The following MYH7 variants were observed in gnomAD, a reference collection of about 807,000 sequenced individuals.
MYH7 encodes the protein myosin-7.
In MYH7, 129 loss-of-function variants were observed where a neutral mutation model predicts 225.4. The observed-to-expected ratio is 0.57, with a 90% CI of 0.50 to 0.66. MYH7 has a LOEUF of 0.66. Among genes scored for constraint, MYH7 ranks in the 30% least tolerant of loss-of-function variants. The pLI is 0.00. For synonymous variants in MYH7, 971 were observed against 1,007.6 expected, an observed-to-expected ratio of 0.96 and a Z score of 0.69; for missense variants, 1,649 against 2,517.0, an observed-to-expected ratio of 0.66 and a Z score of 7.38.
rs549973937 is a variant in MYH7, at chr14:23,415,919, T to C, written c.4953+85A>G. ...CCTGTCAGAGGTCCCTGCAGTAACCTAGGGGCAGGAGGAATCTGGTGCCTG... is the reference window on the plus strand; with the variant it reads ...CCTGTCAGAGGTCCCTGCAGTAACCCAGGGGCAGGAGGAATCTGGTGCCTG... On this transcript the variant is annotated intron_variant, in intron 34 of 39. Coordinates refer to ENST00000355349, the MANE Select transcript of MYH7 (RefSeq NM_000257.4). The surrounding 1 kb of genome is among the most constrained non-coding windows in gnomAD (Gnocchi z 6.3). 575 of 1,613,262 alleles carry C rather than the reference T, an allele frequency of 3.6e-4. 1 individual carries two copies. Among genetic ancestry groups the C allele is most frequent in the Admixed American group, 2.3e-3 (140 of 59,906 alleles).
In MYH7 at chr14:23,425,869, G is replaced by A. The variant is rs948221978; in HGVS notation, c.2163-51C>T. The A allele has an allele frequency of 6.2e-7, 1 of 1,613,208 alleles. No homozygotes were observed. The highest frequency in any genetic ancestry group is 1.7e-5 in the Admixed American group (1 of 60,000). ...CCCATGCTCTGCAGTGATCTGCTCT[G>A]CCCATAGAATTCCAGGGTCACCTGC... On this transcript the variant is annotated intron_variant, in intron 19 of 39. Transcript: ENST00000355349. The surrounding 1 kb of genome is among the most constrained non-coding windows in gnomAD (Gnocchi z 4.6).
At position 23,435,370 on chromosome 14, in the gene MYH7, AC is replaced by A. The variant is rs879277677; in HGVS notation, c.-65+249del. Among the ~76,000 whole-genome samples, 890 of 140,718 alleles carry A rather than the reference AC, an allele frequency of 6.3e-3. 7 individuals carry two copies. Among genetic ancestry groups the A allele is most frequent in the Non-Finnish European group, 1.0e-2 (671 of 67,240 alleles). 92.3% of individuals were successfully genotyped at this position (140,718 alleles called of 152,430 possible). A position where few individuals can be genotyped will look rare whatever the true frequency, so the allele number is the denominator to read the frequency against. On this transcript the variant is annotated intron_variant, in intron 1 of 39. Transcript: ENST00000355349. ...TCAGACTATGCAGGCTTGTCCACAC[AC>A]ACACACACACACACACACACACACA...
At position 23,428,489 on chromosome 14, in the gene MYH7, C is replaced by A; in HGVS notation, c.1578+11G>T. The A allele has an allele frequency of 6.2e-7, 1 of 1,614,126 alleles. No individual in the cohort carries two copies. Among genetic ancestry groups the A allele is most frequent in the Non-Finnish European group, 8.5e-7 (1 of 1,180,034 alleles). ...GCAGGGAGAATTCAGGTGGTAAGGC[C>A]AAAGAGGCACCTTCTCGATGAGGTC... On this transcript the variant is annotated intron_variant, in intron 15 of 39. Coordinates refer to ENST00000355349, the MANE Select transcript of MYH7 (RefSeq NM_000257.4).
chr14:23,419,154 G>T (rs779961917), intron 29 of MYH7, 23 bp downstream of exon 29: 1 of 1,607,034 alleles, frequency 6.2e-7, no homozygotes, highest in Non-Finnish European at 8.5e-7. Context: ...GCTTGGGCCA[G>T]GTGGCCCGAG....
In MYH7 at chr14:23,425,330, G is replaced by C; in HGVS notation, c.2375C>G (p.Ser792Cys). The change falls in exon 21 of 40, where the codon TCC (serine) becomes TGC (cysteine). Residue 792 changes from serine (S) to cysteine (C), a missense_variant. Physicochemically the swap from Ser to Cys is moderately radical, Grantham distance 112. Coordinates refer to ENST00000355349, the MANE Select transcript of MYH7 (RefSeq NM_000257.4). The surrounding 1 kb of genome is among the most constrained non-coding windows in gnomAD (Gnocchi z 4.6). ...CTCCATTCTGGCGAGCACACCTCGG[G>C]ACTGGGCCTGGATACGCGTGATGAT... ...SRIITRIQAQ[S>C]RGVLARMEYK... 6.2e-7 allele frequency: 1 copy of C among 1,614,148 alleles called. No homozygotes were observed. Among genetic ancestry groups the C allele is most frequent in the Non-Finnish European group, 8.5e-7 (1 of 1,180,038 alleles).
chr14:23,429,325 G>A lies in MYH7; in HGVS notation c.1161C>T (p.Leu387=). ...GCAGGTCGGCTGAGTTCAGCCCCAT[G>A]AGGTAGGCAGACTTGTCAGCCTCTG... ...GTEEADKSAY[L]MGLNSADLLK... The change falls in exon 13 of 40, where the codon CTC becomes CTT. Residue 387 remains leucine, a synonymous_variant. Transcript: ENST00000355349. 1.9e-6 allele frequency: 3 copies of A among 1,614,228 alleles called. No homozygotes were observed. Among genetic ancestry groups the A allele is most frequent in the Non-Finnish European group, 2.5e-6 (3 of 1,180,034 alleles).
chr14:23,421,707 T>C (rs1892479091), intron 25 of MYH7: 1 of 979,344 alleles, frequency 1.0e-6, no homozygotes, highest in South Asian at 4.7e-5. Flanking sequence ...TTGGAAGAAC[T>C]TACACTAAGA....
rs1440440623 is a variant in MYH7 at position 23,430,560 on chromosome 14, A to G, written c.999T>C (p.Asp333=). The G allele has an allele frequency of 6.2e-7, 1 of 1,612,176 alleles. No homozygotes were observed. Among genetic ancestry groups the G allele is most frequent in the South Asian group, 1.1e-5 (1 of 90,906 alleles). ...IDDAEELMAT[D]NAFDVLGFTS... is the part of the protein sequence containing the mutation. ...CCTGGCTGGGTCCTCACACACTCAC[A>G]TCAGTGGCCATGAGCTCCTCAGCGT... Residue 333 remains aspartate, a splice_region_variant and synonymous_variant, in exon 11 of 40, where the codon GAT becomes GAC. Coordinates refer to ENST00000355349, the MANE Select transcript of MYH7 (RefSeq NM_000257.4).
intron 9 of MYH7, 106 bp downstream of exon 9, chr14:23,431,312 A>G (rs537740281): frequency 1.7e-6 from 2 of 1,150,498 alleles, no homozygotes; most frequent in Admixed American, 3.4e-5. Flanking sequence ...AGAGACTTAA[A>G]GAGGAGAAAA....
intron 24 of MYH7, among the ~76,000 whole-genome samples, chr14:23,422,652 T>TTA (rs1892528257): frequency 7.6e-6 from 1 of 130,900 alleles, no homozygotes; most frequent in Non-Finnish European, 1.7e-5. Context: ...TTTTTTTTTT[T>TTA]ATGGAGTCTC....
At position 23,433,573 on chromosome 14, in the gene MYH7, G is replaced by A. The variant is rs761841748; in HGVS notation, c.160C>T (p.Arg54Ter). The A allele has an allele frequency of 2.5e-6, 4 of 1,614,074 alleles. No homozygotes were observed. The highest frequency in any genetic ancestry group is 2.7e-5 in the African/African-American group (2 of 74,922). Reference protein sequence around the residue: ...QEFVKAKIVSREGGKVTAETE... With the variant: ...QEFVKAKIVS Reference sequence around the variant, plus strand: ...TCGGCAGTGACTTTGCCACCCTCTCGAGACACGATCTTGGCCTTGACAAAC... The same window carrying A: ...TCGGCAGTGACTTTGCCACCCTCTCAAGACACGATCTTGGCCTTGACAAAC... The change falls in exon 3 of 40, where the codon CGA becomes TGA. Residue 54 changes from arginine (R) to a stop codon, truncating the protein, a stop_gained. Coordinates refer to ENST00000355349, the MANE Select transcript of MYH7 (RefSeq NM_000257.4). LOFTEE classifies it high-confidence loss of function. This position sits in a 1 kb window ranked among gnomAD's most constrained non-coding sequence, Gnocchi z 4.1.
At chr14:23,419,760 G>C (rs781669999) in intron 27 of MYH7, 85 bp downstream of exon 27, 3 of 1,613,318 alleles carry the variant, frequency 1.9e-6, no homozygotes, top group Admixed American at 1.7e-5. Context: ...GTGGGAAAAT[G>C]AACCATGAAG....
chr14:23,431,039 T>C (rs779845147), intron 9 of MYH7, 40 bp from the exon 10 acceptor site: 2 of 1,477,126 alleles, frequency 1.4e-6, no homozygotes, highest in East Asian at 2.3e-5. Context: ...AAAGAAAAGT[T>C]AGGGTTTGGG....
intron 29 of MYH7, 23 bp downstream of exon 29, chr14:23,419,154 G>A: frequency 6.2e-7 from 1 of 1,607,034 alleles, no homozygotes; most frequent in East Asian, 2.2e-5. Context: ...GCTTGGGCCA[G>A]GTGGCCCGAG....
Position 23,415,515 on chromosome 14 carries a change from G to A in MYH7, c.5158-9C>T, listed in dbSNP as rs770811309. ...TTGATGAGGCTGGTGTTCTGGGTTG[G>A]GGGAGGGTTGGGCAGAGCAGGAAAA... On this transcript the variant is annotated splice_polypyrimidine_tract_variant and intron_variant, in intron 35 of 39. Transcript: ENST00000355349. This position sits in a 1 kb window ranked among gnomAD's most constrained non-coding sequence, Gnocchi z 6.3. 5 of 1,614,182 alleles carry A rather than the reference G, an allele frequency of 3.1e-6. No individual in the cohort carries two copies. In the South Asian group the frequency reaches 5.5e-5, roughly 18 times the overall value.
At chr14:23,413,636 C>T in intron 39 of MYH7, 123 bp downstream of exon 39, 1 of 1,381,596 alleles carries the variant, frequency 7.2e-7, no homozygotes, top group Non-Finnish European at 1.0e-6. Flanking sequence ...TTACCTTGGC[C>T]TCTGGGGCCA....
In MYH7 at chr14:23,417,524, C is replaced by T. The variant is rs1064797183; in HGVS notation, c.4332G>A (p.Lys1444=). Residue 1444 remains lysine (K), a synonymous_variant, in exon 31 of 40, where the codon AAG becomes AAA. Coordinates refer to ENST00000355349, the MANE Select transcript of MYH7 (RefSeq NM_000257.4). ...RSNAAAAALD[K]KQRNFDKILA... ...CCACCTTGTCGAAGTTCCTCTGCTT[C>T]TTGTCCAGGGCTGCAGCAGCAGCAT... is the stretch of plus-strand genomic sequence containing the variant. The T allele has an allele frequency of 6.2e-7, 1 of 1,612,354 alleles. No homozygotes were observed. Among genetic ancestry groups the T allele is most frequent in the Non-Finnish European group, 8.5e-7 (1 of 1,180,044 alleles).
rs587781082 is a variant in MYH7 at position 23,423,729 on chromosome 14, G to T, written c.2923-6C>A. On this transcript the variant is annotated splice_polypyrimidine_tract_variant and splice_region_variant and intron_variant, in intron 23 of 39. Transcript: ENST00000355349. ...TCCTCTGTCAGGTTTTTCACCTGCC[G>T]ACCAAGAATCCCATCTCCTTTAGGG... 1.9e-6 allele frequency: 3 copies of T among 1,613,966 alleles called. No individual in the cohort carries two copies. The Admixed American group carries it at 5.0e-5, about 27-fold the overall frequency.
chr14:23,414,062 A>T lies in MYH7; in HGVS notation c.5600T>A (p.Leu1867Gln). The change falls in exon 38 of 40, where the codon CTG (leucine) becomes CAG (glutamine). Residue 1867 changes from leucine to glutamine, a missense_variant. Physicochemically the swap from Leu to Gln is moderately radical, Grantham distance 113. This residue lies in a region of MYH7 where 687 missense variants were observed against 913.8 expected (regional missense o/e 0.75). Coordinates refer to ENST00000355349, the MANE Select transcript of MYH7 (RefSeq NM_000257.4). ...DRKNLLRLQD[L>Q]VDKLQLKVKA... ...GACCTTTAGCTGCAGCTTGTCTACC[A>T]GGTCCTGCAGCCGCAGCAGGTTTTT... 6.2e-7 allele frequency: 1 copy of T among 1,613,882 alleles called. No individual in the cohort carries two copies. The highest frequency in any genetic ancestry group is 1.3e-5 in the African/African-American group (1 of 75,012).
Sources: allele counts gnomAD v4.1 joint callset (sites outside exome capture counted in the v4.1 genomes callset), GRCh38; gene constraint gnomAD v4.1.1; regional missense constraint gnomAD v4.1.1; non-coding constraint Gnocchi (gnomAD v3.1); transcripts MANE v1.5; gene names NCBI Gene and HGNC (gene_info 2026-07-23, HGNC 2026-07-21).